The following LIPE variants were observed in gnomAD, a reference collection of about 807,000 sequenced individuals.
The protein encoded by LIPE is lipase E, hormone sensitive type.
LIPE carries 66 observed loss-of-function variants against 88.5 expected under a neutral mutation model. The observed-to-expected ratio is 0.75, with a 90% confidence interval of 0.61 to 0.91. The LOEUF is 0.91. Among genes scored for constraint, LIPE ranks in the 40% least tolerant of loss-of-function variants. The pLI is 0.00. For missense variants in LIPE, 1,346 were observed against 1,434.7 expected (o/e 0.94, Z 1.00); for synonymous variants, 570 against 617.5 (o/e 0.92, Z 1.14).
In LIPE at chr19:42,406,489, G is replaced by A; in HGVS notation, c.2138-101C>T. On this transcript the variant is annotated intron_variant, in intron 6 of 9. Coordinates refer to ENST00000244289, the MANE Select transcript of LIPE (RefSeq NM_005357.4). This position sits in a 1 kb window ranked among gnomAD's most constrained non-coding sequence, Gnocchi z 5.7. ...AGCTGGGAGAACTGGGCTCTCCAAG[G>A]TGGGGTGTGGGGCACTCCAAGGCCT... The A allele has an allele frequency of 1.1e-6, 1 of 940,418 alleles. No homozygotes were observed. The highest frequency in any genetic ancestry group is 1.5e-5 in the South Asian group (1 of 66,490). The allele number at this position is 940,418 out of a possible 1,614,324, so 58.3% of individuals were successfully genotyped here.
rs754217538 is a variant in LIPE at position 42,410,976 on chromosome 19, C to T, written c.884-134G>A. The T allele has an allele frequency of 4.3e-5, 38 of 879,180 alleles. No individual in the cohort carries two copies. The highest frequency in any genetic ancestry group is 6.1e-5 in the Non-Finnish European group (36 of 588,136). 54.5% of individuals were successfully genotyped at this position (879,180 alleles called of 1,614,324 possible). On this transcript the variant is annotated intron_variant, in intron 1 of 9. Transcript: ENST00000244289. The surrounding 1 kb of genome is among the most constrained non-coding windows in gnomAD (Gnocchi z 6.1). The stretch of plus-strand genomic sequence containing the variant: ...CTGTCTTCTTTCAGTTCCAGGGGCC[C>T]AGGACCCCAGGTTCCTCCTCCCTTA...
chr19:42,411,097 C>T (rs1568605713), intron 1 of LIPE, among the ~76,000 whole-genome samples: 5 of 152,136 alleles, frequency 3.3e-5, no homozygotes. Flanking sequence ...GAGTTTGGGC[C>T]CTCAGCTCCC....
At position 42,401,722 on chromosome 19, in the gene LIPE, CGA is replaced by C; in HGVS notation, c.*88_*89del. 3 of 761,198 alleles carry C rather than the reference CGA, an allele frequency of 3.9e-6. No homozygotes were observed. Among genetic ancestry groups the C allele is most frequent in the Non-Finnish European group, 1.8e-6 (1 of 541,588 alleles). 47.2% of individuals were successfully genotyped at this position (761,198 alleles called of 1,614,324 possible). A position where few individuals can be genotyped will look rare whatever the true frequency, so the allele number is the denominator to read the frequency against. ...CCCCGCCCCGCCCCCTTGCCACCCC[CGA>C]CTTAAGTAAGGCACAGCCCGCGTCC... On this transcript the variant is annotated 3_prime_UTR_variant, in exon 10 of 10. Transcript: ENST00000244289.
rs149978689 is a variant in LIPE, at chr19:42,410,406, T to C, written c.1320A>G (p.Val440=). The part of the protein sequence containing the change: ...QRLLVTNRPG[V]LFFEGDEGLT... ...GCCCCTCGTCGCCCTCAAAGAAGAG[T>C]ACCCCCGGCCGATTGGTAACCAGCA... Residue 440 remains valine, a synonymous_variant, in exon 2 of 10, where the codon GTA becomes GTG. Transcript: ENST00000244289. This position sits in a 1 kb window ranked among gnomAD's most constrained non-coding sequence, Gnocchi z 6.1. 150 of 1,613,908 alleles carry C rather than the reference T, an allele frequency of 9.3e-5. No individual in the cohort carries two copies. The highest frequency in any genetic ancestry group is 1.2e-4 in the Non-Finnish European group (136 of 1,179,986).
chr19:42,409,910 CGGGGAGGCCCAGAGA>C (rs2040318951), intron 2 of LIPE, among the ~76,000 whole-genome samples: 1 of 151,620 alleles, frequency 6.6e-6, no homozygotes, highest in African/African-American at 2.4e-5. Context: ...GGCTGAGGTG[CGGGGAGGCCCAGAGA>C]GGGCCAGAAT....
chr19:42,418,088 T>C (rs1245795779), intron 1 of LIPE, among the ~76,000 whole-genome samples: 2 of 152,086 alleles, frequency 1.3e-5, no homozygotes, highest in Non-Finnish European at 2.9e-5. Context: ...GTTCAAGTGA[T>C]TCTCCTACCT....
chr19:42,407,803 G>A lies in LIPE; in HGVS notation c.1657-12C>T. The A allele has an allele frequency of 6.5e-7, 1 of 1,547,616 alleles. No homozygotes were observed. The highest frequency in any genetic ancestry group is 8.7e-7 in the Non-Finnish European group (1 of 1,145,774). ...ATGTTGGCCAGAGACTGGAGGGAGG[G>A]GACAGAAGGGGTGCTAGGGAAGGTC... On this transcript the variant is annotated splice_polypyrimidine_tract_variant and intron_variant, in intron 4 of 9. Transcript: ENST00000244289. This position sits in a 1 kb window ranked among gnomAD's most constrained non-coding sequence, Gnocchi z 5.8.
At chr19:42,405,156 C>T (rs1390552349) in intron 8 of LIPE, among the ~76,000 whole-genome samples, 2 of 152,190 alleles carry the variant, frequency 1.3e-5, no homozygotes, top group Non-Finnish European at 2.9e-5. Context: ...GTGTGCACCA[C>T]CACACCTGGC....
Position 42,410,060 on chromosome 19 carries a change from A to G in LIPE, c.1419+247T>C, listed in dbSNP as rs931720448. Among the ~76,000 whole-genome samples the G allele has an allele frequency of 3.8e-4, 58 of 152,162 alleles. No individual in the cohort carries two copies. The highest frequency in any genetic ancestry group is 1.4e-3 in the African/African-American group (58 of 41,434). On this transcript the variant is annotated intron_variant, in intron 2 of 9. Transcript: ENST00000244289. This position sits in a 1 kb window ranked among gnomAD's most constrained non-coding sequence, Gnocchi z 6.1. ...CATGTAGGACAATAGAGAGTAGTGG[A>G]TATCCTGGTGAAAAAAGCTCTGCAA...
rs34448266 is a variant in LIPE at position 42,402,573 on chromosome 19, A to G, written c.2967+34T>C. 8.8e-4 allele frequency: 1,260 copies of G among 1,439,006 alleles called. 9 individuals are homozygous for G. In the African/African-American group the frequency reaches 0.017, roughly 19 times the overall value. The allele number at this position is 1,439,006 out of a possible 1,614,324, so 89.1% of individuals were successfully genotyped here. On this transcript the variant is annotated intron_variant, in intron 9 of 9. Coordinates refer to ENST00000244289, the MANE Select transcript of LIPE (RefSeq NM_005357.4). ...CTCCCCGGGTGCCCTGCTCTTCTCTAAATGCACCTGTACCGGCCCCCTCTG... is the reference window on the plus strand; with the variant it reads ...CTCCCCGGGTGCCCTGCTCTTCTCTGAATGCACCTGTACCGGCCCCCTCTG...
rs1375005392 is a variant in LIPE at position 42,408,812 on chromosome 19, A to G, written c.1420-490T>C. 2.0e-5 allele frequency among the ~76,000 whole-genome samples: 3 copies of G among 148,406 alleles called. No homozygotes were observed. Among genetic ancestry groups the G allele is most frequent in the Admixed American group, 2.0e-4 (3 of 14,920 alleles). On this transcript the variant is annotated intron_variant, in intron 2 of 9. Transcript: ENST00000244289. This position sits in a 1 kb window ranked among gnomAD's most constrained non-coding sequence, Gnocchi z 4.3. ...GCACTCCAGCCTGGGCGACAGAGCG[A>G]GACTCTGTCTCTAAAAAAAAAAAAA...
At chr19:42,426,200 T>TA in intron 1 of LIPE, 67 bp downstream of exon 1, 2 of 1,508,810 alleles carry the variant, frequency 1.3e-6, no homozygotes, top group Non-Finnish European at 1.8e-6. Flanking sequence ...CCGTAAGTTT[T>TA]TAGTATTTTT....
intron 1 of LIPE, chr19:42,424,102 C>A: frequency 1.7e-6 from 2 of 1,189,502 alleles, no homozygotes; most frequent in South Asian, 3.1e-5. Context: ...GAGGAGGGAG[C>A]CCCGCTTTCC....
At chr19:42,424,791 C>G (rs1019532088) in intron 1 of LIPE, 10 of 359,798 alleles carry the variant, frequency 2.8e-5, no homozygotes, top group Non-Finnish European at 2.8e-5. Flanking sequence ...TGTATTCCCC[C>G]CTTCTCCATG....
At chr19:42,421,321 C>T (rs773780543) in intron 1 of LIPE, among the ~76,000 whole-genome samples, 6 of 152,192 alleles carry the variant, frequency 3.9e-5, no homozygotes, top group African/African-American at 1.4e-4. Context: ...TCCATACTGT[C>T]CTCTCTGTTC....
In LIPE at chr19:42,426,976, G is replaced by A. The variant is rs1348166234; in HGVS notation, c.174C>T (p.Leu58=). 16 of 1,613,940 alleles carry A rather than the reference G, an allele frequency of 9.9e-6. No homozygotes were observed. Among genetic ancestry groups the A allele is most frequent in the Non-Finnish European group, 1.1e-5 (13 of 1,180,012 alleles). ...QQKPASNQRP[L]TQQETPAQHD... ...GTTGTGCAGGGGTCTCCTGCTGGGT[G>A]AGGGGTCTTTGGTTTGAAGCAGGCT... is the stretch of plus-strand genomic sequence containing the variant. The change falls in exon 1 of 10, where the codon CTC becomes CTT. Residue 58 remains leucine (L), a synonymous_variant. Coordinates refer to ENST00000244289, the MANE Select transcript of LIPE (RefSeq NM_005357.4).
In LIPE at chr19:42,408,099, G is replaced by A. The variant is rs1253847327; in HGVS notation, c.1533C>T (p.Phe511=). ...TGLSVAASSL[F]TSGRFAIDPE... ...GGTCGATGGCAAAGCGGCCGCTGGT[G>A]AAGAGAGAGCTGGCGGCCACACCTA... Residue 511 remains phenylalanine (F), a synonymous_variant, in exon 4 of 10, where the codon TTC becomes TTT. Coordinates refer to ENST00000244289, the MANE Select transcript of LIPE (RefSeq NM_005357.4). This position sits in a 1 kb window ranked among gnomAD's most constrained non-coding sequence, Gnocchi z 4.3. 7.4e-6 allele frequency: 12 copies of A among 1,613,960 alleles called. No homozygotes were observed. The highest frequency in any genetic ancestry group is 1.0e-5 in the Non-Finnish European group (12 of 1,179,934).
chr19:42,417,425 C>G (rs2040510407), intron 1 of LIPE, among the ~76,000 whole-genome samples: 1 of 150,768 alleles, frequency 6.6e-6, no homozygotes, highest in Non-Finnish European at 1.5e-5. Flanking sequence ...ATGCCTGGTT[C>G]ATTTTTTTTT....
Position 42,402,645 on chromosome 19 carries a change from C to T in LIPE, c.2929G>A (p.Asp977Asn), listed in dbSNP as rs2040020427. The change falls in exon 9 of 10, where the codon GAC (aspartate) becomes AAC (asparagine). Residue 977 changes from aspartate (D) to asparagine (N), a missense_variant. By Grantham distance (23) the Asp-to-Asn change is conservative. Coordinates refer to ENST00000244289, the MANE Select transcript of LIPE (RefSeq NM_005357.4). ...NPFMSPLLAP[D>N]SMLKSLPPVH... is the part of the protein sequence containing the mutation. ...GGTGGCAGGCTCTTGAGCATGCTGT[C>T]GGGTGCCAGCAGCGGCGACATGAAG... 1.3e-6 allele frequency: 2 copies of T among 1,498,546 alleles called. No homozygotes were observed. Among genetic ancestry groups the T allele is most frequent in the Non-Finnish European group, 1.8e-6 (2 of 1,121,956 alleles). 92.8% of individuals were successfully genotyped at this position (1,498,546 alleles called of 1,614,324 possible).
Sources: gnomAD v4.1 joint callset for allele counts (sites outside exome capture counted in the v4.1 genomes callset) on GRCh38, gnomAD v4.1.1 for gene constraint, Gnocchi (gnomAD v3.1) non-coding constraint, MANE v1.5 for transcripts, NCBI Gene and HGNC (gene_info 2026-07-23, HGNC 2026-07-21) for gene names.